The following CASTOR2 variants were observed in gnomAD, a reference collection of about 807,000 sequenced individuals.
The protein encoded by CASTOR2 is GATS protein like 2.
In CASTOR2, 8 loss-of-function variants were observed where a neutral mutation model predicts 31.2. The ratio of observed to expected loss-of-function variants is 0.26; its 90% CI spans 0.15 to 0.46. The LOEUF (loss-of-function observed/expected upper bound fraction) is 0.46, where lower values mean the gene tolerates loss of function less well. Ranked by LOEUF, CASTOR2 falls within the 20% of genes least tolerant of loss-of-function variation. The pLI, the probability that CASTOR2 is intolerant of heterozygous loss-of-function variation, is 0.99. For missense variants in CASTOR2, 216 were observed against 382.1 expected (o/e 0.57, Z 3.62); for synonymous variants, 162 against 158.7 (o/e 1.02, Z -0.16).
intron 1 of CASTOR2, among the ~76,000 whole-genome samples, chr7:74,985,109 C>T (rs1305121138): frequency 1.3e-5 from 2 of 152,122 alleles, no homozygotes; most frequent in African/African-American, 4.8e-5. Flanking sequence ...AGCACTCCAT[C>T]CTGGGTGACA....
chr7:74,985,073 A>G (rs1804031535), intron 1 of CASTOR2, among the ~76,000 whole-genome samples: 2 of 152,166 alleles, frequency 1.3e-5, no homozygotes, highest in Non-Finnish European at 2.9e-5. Context: ...AGAGGTGGAG[A>G]TTGCAGTGAG....
chr7:75,023,105 G>A (rs1273681286), intron 7 of CASTOR2, among the ~76,000 whole-genome samples: 3 of 152,040 alleles, frequency 2.0e-5, no homozygotes, highest in African/African-American at 4.8e-5. Context: ...TCAGGAGATC[G>A]AGATCATCCT....
rs1804397063 is a variant in CASTOR2 at position 74,998,143 on chromosome 7, C to T, written c.114-9851C>T. The stretch of plus-strand genomic sequence containing the variant: ...CAGCCCCGGCTCGGCAGACCCCAGG[C>T]AGCTAACTCCTTTAACCCAACTAAG... On this transcript the variant is annotated intron_variant, in intron 1 of 8. Coordinates refer to ENST00000616305, the MANE Select transcript of CASTOR2 (RefSeq NM_001145064.3). Among the ~76,000 whole-genome samples, 3 of 152,280 alleles carry T rather than the reference C, an allele frequency of 2.0e-5. No homozygotes were observed. In the South Asian group the frequency reaches 6.2e-4, roughly 32 times the overall value.
chr7:75,004,293 A>G (rs1318368553), intron 1 of CASTOR2, among the ~76,000 whole-genome samples: 13 of 152,286 alleles, frequency 8.5e-5, no homozygotes, highest in Non-Finnish European at 2.9e-5. Flanking sequence ...TGTCCAGGCA[A>G]TACTTGCAAA....
At chr7:75,001,558 A>T (rs1804496390) in intron 1 of CASTOR2, among the ~76,000 whole-genome samples, 1 of 152,230 alleles carries the variant, frequency 6.6e-6, no homozygotes, top group Non-Finnish European at 1.5e-5. Flanking sequence ...TTAGAACTGG[A>T]GACCTTAGCT....
chr7:75,029,663 C>T lies in CASTOR2; in HGVS notation c.*4964C>T, dbSNP rs1386752426. Among the ~76,000 whole-genome samples, 1 of 152,136 alleles carries T rather than the reference C, an allele frequency of 6.6e-6. No homozygotes were observed. Among genetic ancestry groups the T allele is most frequent in the Non-Finnish European group, 1.5e-5 (1 of 68,018 alleles). On this transcript the variant is annotated 3_prime_UTR_variant, in exon 9 of 9. Transcript: ENST00000616305. ...CTGGCCAATGGGATTTTTGACGCCA[C>T]TTCCTGAGTGAAGCGCTTTGCATGG...
At chr7:75,008,430 C>T (rs1291854189) in intron 2 of CASTOR2, among the ~76,000 whole-genome samples, 4 of 152,136 alleles carry the variant, frequency 2.6e-5, no homozygotes, top group East Asian at 1.9e-4. Flanking sequence ...CATCTTCAGT[C>T]GGGCGCAGTG....
At chr7:75,009,262 C>CTTTTTTTTGTTTT (rs1804675417) in intron 2 of CASTOR2, among the ~76,000 whole-genome samples, 1 of 60,296 alleles carries the variant, frequency 1.7e-5, no homozygotes, top group Non-Finnish European at 2.7e-5. Flanking sequence ...GGCCTGAGAA[C>CTTTTTTTTGTTTT]TTTTTTTTTT....
At chr7:74,990,818 G>C (rs1245667680) in intron 1 of CASTOR2, among the ~76,000 whole-genome samples, 2 of 152,212 alleles carry the variant, frequency 1.3e-5, no homozygotes, top group African/African-American at 2.4e-5. Context: ...TCGTGCCACT[G>C]TACTCCAGCC....
chr7:74,986,376 A>G (rs1420303881), intron 1 of CASTOR2, among the ~76,000 whole-genome samples: 1 of 151,870 alleles, frequency 6.6e-6, no homozygotes. Context: ...CTGTAATCCC[A>G]GCTACTCGGG....
At chr7:74,990,556 A>T (rs1804183586) in intron 1 of CASTOR2, among the ~76,000 whole-genome samples, 1 of 9,438 alleles carries the variant, frequency 1.1e-4, no homozygotes, top group Non-Finnish European at 2.8e-4. Flanking sequence ...TGGTCTCTAC[A>T]AAAAAATAAA....
chr7:74,970,134 A>G lies in CASTOR2; in HGVS notation c.113+5036A>G, dbSNP rs1554434956. 3.1e-5 allele frequency among the ~76,000 whole-genome samples: 4 copies of G among 128,030 alleles called. 1 individual carries two copies. The highest frequency in any genetic ancestry group is 1.1e-4 in the African/African-American group (4 of 37,412). 84.0% of individuals were successfully genotyped at this position (128,030 alleles called of 152,430 possible). ...TCAGAGTGACCCAGATTTCAACCCA[A>G]GTATTTGCCAGAGTCTCATAGGAGT... On this transcript the variant is annotated intron_variant, in intron 1 of 8. Transcript: ENST00000616305.
Position 75,025,019 on chromosome 7 carries a change from C to T in CASTOR2, c.*320C>T, listed in dbSNP as rs1030838795. Among the ~76,000 whole-genome samples, 21 of 152,374 alleles carry T rather than the reference C, an allele frequency of 1.4e-4. No homozygotes were observed. In the East Asian group the frequency reaches 1.7e-3, roughly 13 times the overall value. ...CCGCCTTCTCATCCGGCCTCACCCA[C>T]GGCCAGGGGCAGATGCCGAGGGAAG... On this transcript the variant is annotated 3_prime_UTR_variant, in exon 9 of 9. Coordinates refer to ENST00000616305, the MANE Select transcript of CASTOR2 (RefSeq NM_001145064.3).
chr7:75,022,663 G>A (rs1805032993), intron 7 of CASTOR2, among the ~76,000 whole-genome samples: 1 of 152,146 alleles, frequency 6.6e-6, no homozygotes. Context: ...GCCAGGCACA[G>A]TGGCGTGCGC....
Position 75,018,120 on chromosome 7 carries a change from T to G in CASTOR2, c.509T>G (p.Leu170Arg). Residue 170 changes from leucine to arginine, a missense_variant and splice_region_variant, in exon 4 of 9, where the codon CTG (leucine) becomes CGG (arginine). Around this residue, in one of 5 missense-constraint regions of CASTOR2, gnomAD observed 114 missense variants for 194.2 expected, o/e 0.59. Transcript: ENST00000616305. ...ACCAATGGCTTCGTGAAGCCCAAGC[T>G]GGGTGAGCTGGGGGCGGGGGTTTGT... Reference protein sequence around the residue: ...GITNGFVKPKLVQRPVIHPLS... With the variant: ...GITNGFVKPKRVQRPVIHPLS... 1 of 1,613,980 alleles carries G rather than the reference T, an allele frequency of 6.2e-7. No homozygotes were observed. The highest frequency in any genetic ancestry group is 8.5e-7 in the Non-Finnish European group (1 of 1,179,876).
chr7:74,975,647 G>A (rs1397543211), intron 1 of CASTOR2, among the ~76,000 whole-genome samples: 2 of 108,088 alleles, frequency 1.9e-5, no homozygotes, highest in South Asian at 6.9e-4. Flanking sequence ...AGCCGAGATC[G>A]CGCCACTGCA....
chr7:75,014,149 C>T (rs1804812783), intron 2 of CASTOR2, among the ~76,000 whole-genome samples: 1 of 152,130 alleles, frequency 6.6e-6, no homozygotes, highest in African/African-American at 2.4e-5. Flanking sequence ...GGGCCCAGTG[C>T]TTATCTAGGC....
At chr7:74,977,851 G>GT (rs781825963) in intron 1 of CASTOR2, among the ~76,000 whole-genome samples, 2,599 of 149,786 alleles carry the variant, frequency 0.017, 72 homozygotes, top group Non-Finnish European at 0.026. Flanking sequence ...GATAATTTTT[G>GT]TTTTTTTTGT....
Position 75,025,177 on chromosome 7 carries a change from T to G in CASTOR2, c.*478T>G, listed in dbSNP as rs1805093432. On this transcript the variant is annotated 3_prime_UTR_variant, in exon 9 of 9. Transcript: ENST00000616305. ...AGTACTGTGGTCACTGGTCTCTGCT[T>G]CCATCAGCTCAGGGCTGGTTCCCTC... Among the ~76,000 whole-genome samples, 1 of 152,154 alleles carries G rather than the reference T, an allele frequency of 6.6e-6. No individual in the cohort carries two copies. The highest frequency in any genetic ancestry group is 6.6e-5 in the Admixed American group (1 of 15,264).
Sources: gnomAD v4.1 joint callset for allele counts (sites outside exome capture counted in the v4.1 genomes callset) on GRCh38, gnomAD v4.1.1 for gene constraint, gnomAD v4.1.1 regional missense constraint, MANE v1.5 for transcripts, NCBI Gene and HGNC (gene_info 2026-07-23, HGNC 2026-07-21) for gene names.